KIAA1671: variants seen among roughly 807,000 people sequenced by gnomAD.
KIAA1671 encodes KIAA1671, also known as uncharacterized protein KIAA1671.
A neutral mutation model predicts 131.2 loss-of-function variants in KIAA1671; 52 were observed. The ratio of observed to expected loss-of-function variants is 0.40; its 90% CI spans 0.32 to 0.50. The LOEUF (loss-of-function observed/expected upper bound fraction) is 0.50, where lower values mean the gene tolerates loss of function less well. Among genes scored for constraint, KIAA1671 ranks in the 20% least tolerant of loss-of-function variants. KIAA1671 has a pLI of 0.73. For synonymous variants in KIAA1671, 1,003 were observed against 961.6 expected, an observed-to-expected ratio of 1.04 and a Z score of -0.80; for missense variants, 2,360 against 2,364.2, an observed-to-expected ratio of 1.00 and a Z score of 0.04.
intron 6 of KIAA1671, among the ~76,000 whole-genome samples, chr22:25,164,851 G>A (rs953776943): frequency 6.6e-6 from 1 of 151,974 alleles, no homozygotes; most frequent in African/African-American, 2.4e-5. Context: ...GGGAGGCTGA[G>A]GCAGGAGAAT....
chr22:25,170,069 A>T (rs1055573760), intron 6 of KIAA1671, among the ~76,000 whole-genome samples: 1 of 152,040 alleles, frequency 6.6e-6, no homozygotes, highest in African/African-American at 2.4e-5. Flanking sequence ...GCCTGCCACC[A>T]CACCCAGCTA....
At chr22:25,133,785 C>T (rs114605514) in intron 6 of KIAA1671, among the ~76,000 whole-genome samples, 2 of 152,134 alleles carry the variant, frequency 1.3e-5, no homozygotes, top group Non-Finnish European at 2.9e-5. Flanking sequence ...TGGGTTCTTG[C>T]GATCCTCCCA....
rs1841129322 is a variant in KIAA1671, at chr22:25,193,119, T to C, written c.*718T>C. The C allele has an allele frequency of 6.6e-6, 1 of 152,220 alleles. No homozygotes were observed. Among genetic ancestry groups the C allele is most frequent in the South Asian group, 2.1e-4 (1 of 4,828 alleles). The allele number at this position is 152,220 out of a possible 1,614,324, so 9.4% of individuals were successfully genotyped here. On this transcript the variant is annotated 3_prime_UTR_variant, in exon 13 of 13. Transcript: ENST00000358431. ...TCAGCTAATTTTCTTTGAAACTTGA[T>C]AGGTATATATGTGTTTACGTTAAAG...
chr22:25,139,523 A>T (rs533547459), intron 6 of KIAA1671, among the ~76,000 whole-genome samples: 1 of 152,322 alleles, frequency 6.6e-6, no homozygotes, highest in Non-Finnish European at 1.5e-5. Context: ...GTAAGGCTTT[A>T]ATGACACCAT....
chr22:24,958,951 A>T (rs1007915726), intron 1 of KIAA1671, among the ~76,000 whole-genome samples: 1 of 149,612 alleles, frequency 6.7e-6, no homozygotes, highest in Admixed American at 6.7e-5. Flanking sequence ...ACTGCACTCC[A>T]GCCTGAACGA....
chr22:25,093,834 G>GTC lies in KIAA1671; in HGVS notation c.4530+44472_4530+44473dup, dbSNP rs1568951583. 2.2e-3 allele frequency among the ~76,000 whole-genome samples: 38 copies of GTC among 16,946 alleles called. 6 individuals are homozygous for GTC. The highest frequency in any genetic ancestry group is 1.0e-2 in the South Asian group (5 of 502). 11.1% of individuals were successfully genotyped at this position (16,946 alleles called of 152,430 possible). ...TCTGTCTCTCTCTCTTTCTCTCTCT[G>GTC]TCTGTCTCTCTCTCTCTCTCTCTCT... On this transcript the variant is annotated intron_variant, in intron 6 of 12. Transcript: ENST00000358431.
chr22:24,973,031 G>A (rs952634749), intron 1 of KIAA1671, among the ~76,000 whole-genome samples: 1 of 152,170 alleles, frequency 6.6e-6, no homozygotes, highest in African/African-American at 2.4e-5. Context: ...AGCAGGACCG[G>A]CAAGTGCAAA....
rs1883279 is a variant in KIAA1671, at chr22:25,108,360, C to T, written c.4530+58996C>T. On this transcript the variant is annotated intron_variant, in intron 6 of 12. Transcript: ENST00000358431. ...TCTGGTGTGACTTTTCTGGGGCCAG[C>T]GGGGAGGACTCAGCTCTTTCTCAGG... 9.9e-5 allele frequency among the ~76,000 whole-genome samples: 15 copies of T among 152,114 alleles called. 1 individual carries two copies. Among genetic ancestry groups the T allele is most frequent in the South Asian group, 8.3e-4 (4 of 4,824 alleles).
chr22:25,158,280 G>A (rs1258595460), intron 6 of KIAA1671, among the ~76,000 whole-genome samples: 1 of 152,182 alleles, frequency 6.6e-6, no homozygotes, highest in Non-Finnish European at 1.5e-5. Context: ...TCATTTATGG[G>A]TTCATTCACT....
At chr22:24,999,469 G>A (rs1478881880) in intron 1 of KIAA1671, among the ~76,000 whole-genome samples, 1 of 151,380 alleles carries the variant, frequency 6.6e-6, no homozygotes, top group Non-Finnish European at 1.5e-5. Context: ...CGGCTCAAGT[G>A]ATCCTCTCTC....
intron 6 of KIAA1671, among the ~76,000 whole-genome samples, chr22:25,091,439 C>T (rs1412765430): frequency 6.6e-6 from 1 of 152,166 alleles, no homozygotes; most frequent in Non-Finnish European, 1.5e-5. Context: ...TTCTACCTCT[C>T]AGAATTGAAC....
At chr22:25,185,433 G>A (rs533002274) in intron 11 of KIAA1671, 1 of 287,190 alleles carries the variant, frequency 3.5e-6, no homozygotes, top group East Asian at 6.3e-5. Context: ...CCAGACCGAT[G>A]GGGAAACTGA....
rs997623313 is a variant in KIAA1671, at chr22:25,136,623, C to T, written c.4531-34197C>T. The stretch of plus-strand genomic sequence containing the variant: ...ATTTGTCCCATTTGTACCACAGGGA[C>T]GTGGTCTCCCAGGTTTCTGAGCCTC... On this transcript the variant is annotated intron_variant, in intron 6 of 12. Transcript: ENST00000358431. Among the ~76,000 whole-genome samples, 6 of 152,144 alleles carry T rather than the reference C, an allele frequency of 3.9e-5. 1 individual carries two copies. Among genetic ancestry groups the T allele is most frequent in the African/African-American group, 1.2e-4 (5 of 41,410 alleles).
chr22:25,135,352 A>AT (rs752332263), intron 6 of KIAA1671, among the ~76,000 whole-genome samples: 2 of 152,090 alleles, frequency 1.3e-5, no homozygotes, highest in Non-Finnish European at 1.5e-5. Flanking sequence ...AGCCTGGCTA[A>AT]TTTTTTGTAT....
intron 1 of KIAA1671, among the ~76,000 whole-genome samples, chr22:24,983,007 A>G (rs559381145): frequency 1.1e-4 from 17 of 151,980 alleles, no homozygotes; most frequent in Non-Finnish European, 2.4e-4. Flanking sequence ...TACTCCTCTG[A>G]CACCTGCTGT....
At chr22:24,986,243 G>T (rs1164200155) in intron 1 of KIAA1671, among the ~76,000 whole-genome samples, 2 of 152,122 alleles carry the variant, frequency 1.3e-5, no homozygotes, top group East Asian at 1.9e-4. Flanking sequence ...GACGCTTGTG[G>T]CTTCAACCAG....
chr22:25,032,763 C>A, intron 4 of KIAA1671, 67 bp downstream of exon 4: 3 of 944,792 alleles, frequency 3.2e-6, no homozygotes, highest in Non-Finnish European at 4.8e-6. Flanking sequence ...GGAGAAAGAG[C>A]CTCCATGATC....
intron 6 of KIAA1671, among the ~76,000 whole-genome samples, chr22:25,166,547 G>A (rs2146004405): frequency 6.6e-6 from 1 of 152,186 alleles, no homozygotes; most frequent in East Asian, 1.9e-4. Flanking sequence ...CCCTGAGGGG[G>A]ATCCCCCTCT....
chr22:24,986,674 T>TCCACCCATCCAC (rs1923559770), intron 1 of KIAA1671, among the ~76,000 whole-genome samples: 1 of 30,012 alleles, frequency 3.3e-5, no homozygotes, highest in African/African-American at 1.3e-4. Context: ...CACCCACCCA[T>TCCACCCATCCAC]CCACCCATCC....
Sources: allele counts gnomAD v4.1 joint callset (sites outside exome capture counted in the v4.1 genomes callset), GRCh38; gene constraint gnomAD v4.1.1; transcripts MANE v1.5; gene names NCBI Gene and HGNC (gene_info 2026-07-23, HGNC 2026-07-21).